The following SPECC1 variants were observed in gnomAD, a reference collection of about 807,000 sequenced individuals.
SPECC1 encodes the protein sperm antigen with calponin homology and coiled-coil domains 1.
SPECC1 carries 62 observed loss-of-function variants against 104.1 expected under a neutral mutation model. The ratio of observed to expected loss-of-function variants is 0.60; its 90% confidence interval spans 0.49 to 0.74. The LOEUF (loss-of-function observed/expected upper bound fraction) is 0.74. SPECC1 is among the 30% of genes least tolerant of loss of function. SPECC1 has a pLI of 0.00. For synonymous variants in SPECC1, 513 were observed against 501.6 expected (o/e 1.02, Z -0.30); for missense variants, 1,306 against 1,310.5 (o/e 1.00, Z 0.05).
chr17:20,298,971 GTA>G (rs202239755), intron 13 of SPECC1, among the ~76,000 whole-genome samples: 15 of 90,384 alleles, frequency 1.7e-4, no homozygotes, highest in Non-Finnish European at 2.4e-4. Context: ...GTGTGTGTGT[GTA>G]TGTAGAGAGA....
rs150119053 is a variant in SPECC1, at chr17:20,233,807, G to T, written c.2351+1402G>T. Among the ~76,000 whole-genome samples the T allele has an allele frequency of 8.1e-4, 123 of 152,346 alleles. No individual in the cohort carries two copies. The East Asian group carries it at 0.013, about 16-fold the overall frequency. On this transcript the variant is annotated intron_variant, in intron 7 of 14. Transcript: ENST00000395527. ...TGAGGCCGTTCTGGGTGGCCTCTGT[G>T]TCTGCTTTTGTTTCGTTTGCCTCTG...
intron 1 of SPECC1, among the ~76,000 whole-genome samples, chr17:20,091,291 C>T (rs1042911267): frequency 6.6e-6 from 1 of 152,124 alleles, no homozygotes; most frequent in South Asian, 2.1e-4. Flanking sequence ...TCTGGGATTC[C>T]GTCAGCTGCG....
chr17:20,068,409 T>C lies in SPECC1; in HGVS notation c.-21-28222T>C, dbSNP rs530610018. On this transcript the variant is annotated intron_variant, in intron 1 of 14. Transcript: ENST00000395527. ...CAGCTGATGGCCACTGGGTTTTTTCTACTTTATGGCTACTGTGATTAGTGC... is the reference window on the plus strand; with the variant it reads ...CAGCTGATGGCCACTGGGTTTTTTCCACTTTATGGCTACTGTGATTAGTGC... 2.0e-5 allele frequency among the ~76,000 whole-genome samples: 3 copies of C among 152,370 alleles called. No individual in the cohort carries two copies. In the East Asian group the frequency reaches 5.8e-4, roughly 29 times the overall value.
At chr17:20,191,137 C>T (rs2035641856) in intron 3 of SPECC1, among the ~76,000 whole-genome samples, 2 of 152,148 alleles carry the variant, frequency 1.3e-5, no homozygotes, top group Admixed American at 1.3e-4. Flanking sequence ...GGGTGTACCA[C>T]AGTTGGTTGC....
intron 1 of SPECC1, among the ~76,000 whole-genome samples, chr17:20,016,759 CT>C (rs1320848967): frequency 6.6e-6 from 1 of 152,224 alleles, no homozygotes; most frequent in African/African-American, 2.4e-5. Context: ...GCACCACCCC[CT>C]GCTCCACGGC....
At chr17:20,273,203 G>T (rs1020182734) in intron 12 of SPECC1, among the ~76,000 whole-genome samples, 1 of 152,202 alleles carries the variant, frequency 6.6e-6, no homozygotes, top group African/African-American at 2.4e-5. Flanking sequence ...AGGCCTGTGG[G>T]CCAGGCACAG....
intron 12 of SPECC1, among the ~76,000 whole-genome samples, chr17:20,268,444 C>CT (rs1166316634): frequency 6.6e-6 from 1 of 152,222 alleles, no homozygotes; most frequent in Non-Finnish European, 1.5e-5. Flanking sequence ...CAAGCAGCCT[C>CT]TAAAATATCA....
Position 20,203,360 on chromosome 17 carries a change from G to A in SPECC1, c.284-973G>A, listed in dbSNP as rs2036559237. ...GGTTTCAATTCTAGAGCACAATGGAGACTGATGTCTGGGTTTCACCCCTAG... is the reference window on the plus strand; with the variant it reads ...GGTTTCAATTCTAGAGCACAATGGAAACTGATGTCTGGGTTTCACCCCTAG... On this transcript the variant is annotated intron_variant, in intron 3 of 14. Coordinates refer to ENST00000395527, the MANE Select transcript of SPECC1 (RefSeq NM_001243439.2). Among the ~76,000 whole-genome samples the A allele has an allele frequency of 4.0e-5, 6 of 151,670 alleles. No individual in the cohort carries two copies. In the South Asian group the frequency reaches 1.2e-3, roughly 32 times the overall value.
chr17:20,071,692 C>A (rs749537763), intron 1 of SPECC1, among the ~76,000 whole-genome samples: 2 of 152,000 alleles, frequency 1.3e-5, no homozygotes, highest in Non-Finnish European at 2.9e-5. Flanking sequence ...TTTATAGATG[C>A]TATTGTAAGT....
intron 3 of SPECC1, among the ~76,000 whole-genome samples, chr17:20,175,602 C>A (rs2034419059): frequency 6.6e-6 from 1 of 152,178 alleles, no homozygotes; most frequent in South Asian, 2.1e-4. Flanking sequence ...TGACAGCAAT[C>A]TTTTCTGATG....
chr17:20,235,673 C>T (rs1465397157), intron 7 of SPECC1, among the ~76,000 whole-genome samples: 1 of 152,152 alleles, frequency 6.6e-6, no homozygotes, highest in Non-Finnish European at 1.5e-5. Flanking sequence ...CAGCAAATGC[C>T]ATTACTTTTA....
At chr17:20,171,230 GA>G (rs1296384657) in intron 3 of SPECC1, among the ~76,000 whole-genome samples, 1 of 152,192 alleles carries the variant, frequency 6.6e-6, no homozygotes, top group African/African-American at 2.4e-5. Context: ...GTATGAGTGA[GA>G]GGGGTATGTG....
At chr17:20,224,193 AAC>A (rs2151442777) in intron 4 of SPECC1, among the ~76,000 whole-genome samples, 1 of 152,220 alleles carries the variant, frequency 6.6e-6, no homozygotes, top group South Asian at 2.1e-4. Context: ...CTTTCCCCTA[AAC>A]ACACAGAGTC....
chr17:20,107,841 T>C (rs982544376), intron 2 of SPECC1, among the ~76,000 whole-genome samples: 1 of 152,044 alleles, frequency 6.6e-6, no homozygotes, highest in Non-Finnish European at 1.5e-5. Context: ...ATCCCACCTC[T>C]ACAAAAATAT....
chr17:20,129,743 GT>G (rs2049511417), intron 3 of SPECC1, among the ~76,000 whole-genome samples: 1 of 150,802 alleles, frequency 6.6e-6, no homozygotes, highest in African/African-American at 2.4e-5. Flanking sequence ...TGTTGTTGTT[GT>G]TGTTTTGTTT....
chr17:20,020,612 G>A (rs1264161947), intron 1 of SPECC1, among the ~76,000 whole-genome samples: 2 of 152,196 alleles, frequency 1.3e-5, no homozygotes, highest in African/African-American at 2.4e-5. Flanking sequence ...GATTACAGGC[G>A]TGAGCCTCCA....
At chr17:20,050,133 A>G (rs62067484) in intron 1 of SPECC1, among the ~76,000 whole-genome samples, 1 of 152,172 alleles carries the variant, frequency 6.6e-6, no homozygotes, top group African/African-American at 2.4e-5. Flanking sequence ...TTTCTTTTAA[A>G]TATTTGGTGC....
chr17:20,205,580 C>T lies in SPECC1; in HGVS notation c.1531C>T (p.Arg511Cys), dbSNP rs140849346. The T allele has an allele frequency of 1.8e-4, 296 of 1,613,916 alleles. No individual in the cohort carries two copies. The highest frequency in any genetic ancestry group is 2.4e-4 in the Non-Finnish European group (285 of 1,180,026). ...ENQGALEMIK[R>C]LKEENEKLNE... ...CCAAGGAGCTTTAGAAATGATTAAA[C>T]GTCTGAAGGAAGAAAATGAAAAACT... The change falls in exon 4 of 15, where the codon CGT becomes TGT. Residue 511 changes from arginine (R) to cysteine (C), a missense_variant. Around this residue, in one of 2 missense-constraint regions of SPECC1, gnomAD observed 1,177 missense variants for 1,139.9 expected, o/e 1.03. Transcript: ENST00000395527.
chr17:20,156,285 C>CT (rs2152571571), intron 3 of SPECC1: 4 of 1,321,410 alleles, frequency 3.0e-6, no homozygotes, highest in South Asian at 2.0e-5. Context: ...CCCACCCCCC[C>CT]TCCAGGCGCC....
Sources: allele counts gnomAD v4.1 joint callset (sites outside exome capture counted in the v4.1 genomes callset), GRCh38; gene constraint gnomAD v4.1.1; regional missense constraint gnomAD v4.1.1; transcripts MANE v1.5; gene names NCBI Gene and HGNC (gene_info 2026-07-23, HGNC 2026-07-21).